The following POC1B variants were observed in gnomAD, a reference collection of about 807,000 sequenced individuals.
The protein encoded by POC1B is POC1 centriolar protein homolog B.
POC1B carries 44 observed loss-of-function variants against 60.6 expected under a neutral mutation model. The ratio of observed to expected loss-of-function variants is 0.73; its 90% CI spans 0.57 to 0.93. The LOEUF (loss-of-function observed/expected upper bound fraction) is 0.93. POC1B is among the 40% of genes least tolerant of loss of function. The probability of loss-of-function intolerance (pLI) is 0.00; values close to 1 mark genes in which losing one functional copy is unlikely to be tolerated. For synonymous variants in POC1B, 180 were observed against 198.9 expected, an observed-to-expected ratio of 0.90 and a Z score of 0.80; for missense variants, 555 against 572.3, an observed-to-expected ratio of 0.97 and a Z score of 0.31.
chr12:89,479,372 C>T (rs184077183), intron 4 of POC1B, among the ~76,000 whole-genome samples: 1 of 151,872 alleles, frequency 6.6e-6, no homozygotes, highest in Admixed American at 6.6e-5. Flanking sequence ...CTGAAAGCAC[C>T]ACCTTTGAAT....
Position 89,459,723 on chromosome 12 carries a change from G to C in POC1B, c.1033-5C>G. ...TACCTCAAGCTTTGGATTAATCTGT[G>C]TATATACATAAAAAAAAATTATGAG... On this transcript the variant is annotated splice_region_variant and splice_polypyrimidine_tract_variant and intron_variant, in intron 9 of 11. Transcript: ENST00000313546. 6.9e-7 allele frequency: 1 copy of C among 1,444,782 alleles called. No homozygotes were observed. Among genetic ancestry groups the C allele is most frequent in the Admixed American group, 2.3e-5 (1 of 42,738 alleles). The allele number at this position is 1,444,782 out of a possible 1,614,324, so 89.5% of individuals were successfully genotyped here. A position where few individuals can be genotyped will look rare whatever the true frequency, so the allele number is the denominator to read the frequency against.
At chr12:89,459,748 G>A in intron 9 of POC1B, 30 bp from the exon 10 acceptor site, 1 of 1,257,454 alleles carries the variant, frequency 8.0e-7, no homozygotes, top group Non-Finnish European at 1.1e-6. Flanking sequence ...AAAATTATGA[G>A]ATTTTCATAC....
rs759980932 is a variant in POC1B at position 89,466,766 on chromosome 12, T to C, written c.1032+4A>G. The C allele has an allele frequency of 1.1e-5, 18 of 1,601,938 alleles. No individual in the cohort carries two copies. Among genetic ancestry groups the C allele is most frequent in the Middle Eastern group, 1.7e-4 (1 of 6,012 alleles). Reference sequence around the variant, plus strand: ...TGTAGGACAAATATGAACAAAATACTCACTTCTACAGTCTCAACTTTTTCC... The same window carrying C: ...TGTAGGACAAATATGAACAAAATACCCACTTCTACAGTCTCAACTTTTTCC... On this transcript the variant is annotated splice_donor_region_variant and intron_variant, in intron 9 of 11. Coordinates refer to ENST00000313546, the MANE Select transcript of POC1B (RefSeq NM_172240.3).
chr12:89,413,360 A>G, the POC1B span, among the ~76,000 whole-genome samples: 1 of 151,988 alleles, frequency 6.6e-6, no homozygotes, highest in African/African-American at 2.4e-5. Context: ...AATGCACCCA[A>G]TTAATTTTTA....
At chr12:89,444,086 A>C (rs1332942086) in intron 10 of POC1B, among the ~76,000 whole-genome samples, 2 of 152,202 alleles carry the variant, frequency 1.3e-5, no homozygotes. Flanking sequence ...GACCAATAAC[A>C]GGCTCTGAAA....
At chr12:89,505,484 T>G (rs1308013624) in intron 2 of POC1B, among the ~76,000 whole-genome samples, 1 of 152,180 alleles carries the variant, frequency 6.6e-6, no homozygotes, top group Non-Finnish European at 1.5e-5. Context: ...TGTGTTAAAT[T>G]TTACTTATAT....
the POC1B span, among the ~76,000 whole-genome samples, chr12:89,405,683 C>T: frequency 4.6e-5 from 7 of 152,032 alleles, no homozygotes; most frequent in Non-Finnish European, 7.4e-5. Flanking sequence ...AGGGCCGGGG[C>T]GGTGGCTCAC....
chr12:89,488,863 T>C (rs1868789287), intron 4 of POC1B, among the ~76,000 whole-genome samples: 2 of 152,304 alleles, frequency 1.3e-5, no homozygotes, highest in Middle Eastern at 3.4e-3. Flanking sequence ...GTCACGTTTT[T>C]GCTTATTGTG....
chr12:89,524,930 G>T, intron 2 of POC1B, 190 bp downstream of exon 2: 1 of 919,208 alleles, frequency 1.1e-6, no homozygotes. Flanking sequence ...GCCGGGCCGG[G>T]GGCTGGGGGC....
At chr12:89,454,258 C>T (rs1413866033) in intron 10 of POC1B, among the ~76,000 whole-genome samples, 1 of 152,134 alleles carries the variant, frequency 6.6e-6, no homozygotes, top group Non-Finnish European at 1.5e-5. Context: ...ATAGGGAATC[C>T]CACAGCTGAC....
downstream of POC1B, among the ~76,000 whole-genome samples, chr12:89,415,654 A>AT (rs1555215130): frequency 4.5e-4 from 69 of 152,168 alleles, no homozygotes; most frequent in African/African-American, 1.5e-3. Context: ...AAAAAAAAAA[A>AT]AATAATAAAG....
intron 2 of POC1B, chr12:89,501,413 G>A: frequency 3.0e-6 from 3 of 1,010,092 alleles, no homozygotes; most frequent in Non-Finnish European, 4.7e-6. Context: ...CTCGATGTGG[G>A]ACAGACTAAA....
At chr12:89,510,983 G>T (rs1464056888) in intron 2 of POC1B, among the ~76,000 whole-genome samples, 1 of 151,776 alleles carries the variant, frequency 6.6e-6, no homozygotes, top group African/African-American at 2.4e-5. Flanking sequence ...TCACACTCCT[G>T]GCCTCAGGTG....
At chr12:89,455,635 G>GA (rs2120786553) in intron 10 of POC1B, among the ~76,000 whole-genome samples, 1 of 152,290 alleles carries the variant, frequency 6.6e-6, no homozygotes, top group South Asian at 2.1e-4. Context: ...TTGATTGATA[G>GA]AATATCAAAA....
At chr12:89,449,575 G>T (rs1348472677) in intron 10 of POC1B, among the ~76,000 whole-genome samples, 1 of 152,100 alleles carries the variant, frequency 6.6e-6, no homozygotes, top group African/African-American at 2.4e-5. Flanking sequence ...AACTCAAATT[G>T]GCAAGTTGGC....
intron 2 of POC1B, among the ~76,000 whole-genome samples, chr12:89,506,577 T>G (rs987526334): frequency 6.6e-6 from 1 of 152,170 alleles, no homozygotes; most frequent in African/African-American, 2.4e-5. Flanking sequence ...GAAGGAGCAT[T>G]CCAAGAGGGT....
At chr12:89,445,506 A>G in intron 10 of POC1B, among the ~76,000 whole-genome samples, 1 of 152,194 alleles carries the variant, frequency 6.6e-6, no homozygotes, top group Non-Finnish European at 1.5e-5. Context: ...AGAAATGGGG[A>G]AAGGATTCCC....
chr12:89,454,073 G>A (rs950535140), intron 10 of POC1B, among the ~76,000 whole-genome samples: 2 of 152,198 alleles, frequency 1.3e-5, no homozygotes, highest in Non-Finnish European at 1.5e-5. Context: ...AAATGGCAGA[G>A]TATCTCTTGC....
intron 11 of POC1B, among the ~76,000 whole-genome samples, chr12:89,422,319 A>C (rs1247887228): frequency 1.3e-5 from 2 of 152,182 alleles, no homozygotes; most frequent in Admixed American, 6.5e-5. Context: ...ATCCCTAGAC[A>C]TTAAAATTTT....
Sources: allele counts gnomAD v4.1 joint callset (sites outside exome capture counted in the v4.1 genomes callset), GRCh38; gene constraint gnomAD v4.1.1; transcripts MANE v1.5; gene names NCBI Gene and HGNC (gene_info 2026-07-23, HGNC 2026-07-21).